Variants in UFL1 observed in about 807,000 individuals in gnomAD.
The protein encoded by UFL1 is UFM1 specific ligase 1.
Under a neutral mutation model 99.3 loss-of-function variants are expected in UFL1, and 78 were observed. The ratio of observed to expected loss-of-function variants is 0.79; its 90% CI spans 0.65 to 0.95. The LOEUF is 0.95. Among genes scored for constraint, UFL1 ranks in the 40% least tolerant of loss-of-function variants. The pLI is 0.00. For missense variants in UFL1, 936 were observed against 937.0 expected (o/e 1.00, Z 0.01); for synonymous variants, 335 against 322.2 (o/e 1.04, Z -0.42).
intron 11 of UFL1, among the ~76,000 whole-genome samples, chr6:96,542,257 A>G (rs1357457951): frequency 6.6e-6 from 1 of 151,214 alleles, no homozygotes; most frequent in African/African-American, 2.4e-5. Context: ...AATAGGTAAT[A>G]ATACTTTTAT....
intron 6 of UFL1, among the ~76,000 whole-genome samples, chr6:96,533,968 G>GA (rs1373480493): frequency 6.6e-6 from 1 of 151,612 alleles, no homozygotes; most frequent in Non-Finnish European, 1.5e-5. Context: ...CTCCCAGACA[G>GA]AAAAAACATT....
At position 96,521,872 on chromosome 6, in the gene UFL1, T is replaced by A; in HGVS notation, c.-2T>A. 7 of 1,611,654 alleles carry A rather than the reference T, an allele frequency of 4.3e-6. No individual in the cohort carries two copies. In the South Asian group the frequency reaches 7.7e-5, roughly 18 times the overall value. Reference sequence around the variant, plus strand: ...TCCGCGTCTACTGCGAGTCAGGCCGTGATGGCGGACGCCTGGGAAGAGATT... The same window carrying A: ...TCCGCGTCTACTGCGAGTCAGGCCGAGATGGCGGACGCCTGGGAAGAGATT... On this transcript the variant is annotated 5_prime_UTR_variant, in exon 1 of 19. Transcript: ENST00000369278.
rs1275969920 is a variant in UFL1, at chr6:96,540,565, A to G, written c.1189A>G (p.Thr397Ala). Residue 397 changes from threonine (T) to alanine (A), a missense_variant, in exon 11 of 19, where the codon ACT becomes GCT. Transcript: ENST00000369278. ...GAAAAATAATCCTGTGCATTTAATCACTGAAGAAGATCTGAAACAAATCTC... is the reference window on the plus strand; with the variant it reads ...GAAAAATAATCCTGTGCATTTAATCGCTGAAGAAGATCTGAAACAAATCTC... ...EMKNNPVHLI[T>A]EEDLKQISTL... is the part of the protein sequence containing the mutation. 6.2e-7 allele frequency: 1 copy of G among 1,606,256 alleles called. No homozygotes were observed. The highest frequency in any genetic ancestry group is 1.1e-5 in the South Asian group (1 of 89,814).
chr6:96,535,012 T>C (rs1441031152), intron 7 of UFL1, among the ~76,000 whole-genome samples: 2 of 151,954 alleles, frequency 1.3e-5, no homozygotes, highest in African/African-American at 4.8e-5. Context: ...TAACCTGACT[T>C]TGTTGGAATC....
chr6:96,526,713 TAGC>T (rs1769709446), intron 5 of UFL1, among the ~76,000 whole-genome samples: 1 of 152,196 alleles, frequency 6.6e-6, no homozygotes, highest in Non-Finnish European at 1.5e-5. Flanking sequence ...TTGATGCAAT[TAGC>T]AAATGTACAA....
In UFL1 at chr6:96,525,353, A is replaced by G; in HGVS notation, c.309A>G (p.Ser103=). ...IENRIGDIIK[S]EKHVQLVLGQ... ...ATAGAATTGGTGACATTATTAAATC[A>G]GAAAAGCATGTTCAGTTAGTGTTGG... Residue 103 remains serine, a synonymous_variant, in exon 4 of 19, where the codon TCA becomes TCG. Transcript: ENST00000369278. 3 of 1,611,036 alleles carry G rather than the reference A, an allele frequency of 1.9e-6. No homozygotes were observed. The highest frequency in any genetic ancestry group is 2.5e-6 in the Non-Finnish European group (3 of 1,178,884).
chr6:96,547,994 T>C (rs1770023914), intron 12 of UFL1, among the ~76,000 whole-genome samples, 170 bp from the exon 13 acceptor site: 2 of 151,706 alleles, frequency 1.3e-5, no homozygotes, highest in African/African-American at 2.4e-5. Flanking sequence ...GAGGTTTTAT[T>C]ATATATCCTA....
intron 12 of UFL1, among the ~76,000 whole-genome samples, chr6:96,544,505 G>A (rs1053652987): frequency 5.3e-5 from 8 of 150,906 alleles, no homozygotes; most frequent in Middle Eastern, 3.2e-3. Context: ...TAGATATCAA[G>A]TGATGTGCCT....
At position 96,526,416 on chromosome 6, in the gene UFL1, C is replaced by T; in HGVS notation, c.446C>T (p.Pro149Leu). 2 of 1,610,822 alleles carry T rather than the reference C, an allele frequency of 1.2e-6. No homozygotes were observed. Among genetic ancestry groups the T allele is most frequent in the South Asian group, 1.1e-5 (1 of 90,004 alleles). Residue 149 changes from proline to leucine, a missense_variant, in exon 5 of 19, where the codon CCT becomes CTT. Physicochemically the swap from Pro to Leu is moderately conservative, Grantham distance 98. Coordinates refer to ENST00000369278, the MANE Select transcript of UFL1 (RefSeq NM_015323.5). ...ISELCKTYDL[P>L]GNFLTQALTQ... ...GAACTGTGTAAAACTTATGATCTTCCTGGGAACTTTCTGACACAGGTATTT... is the reference window on the plus strand; with the variant it reads ...GAACTGTGTAAAACTTATGATCTTCTTGGGAACTTTCTGACACAGGTATTT...
In UFL1 at chr6:96,549,755, G is replaced by T. The variant is rs1391730742; in HGVS notation, c.1774G>T (p.Asp592Tyr). 1.9e-6 allele frequency: 3 copies of T among 1,612,046 alleles called. No homozygotes were observed. The highest frequency in any genetic ancestry group is 2.5e-6 in the Non-Finnish European group (3 of 1,178,672). The change falls in exon 15 of 19, where the codon GAT becomes TAT. Residue 592 changes from aspartate to tyrosine, a missense_variant. Physicochemically the swap from Asp to Tyr is radical, Grantham distance 160. Coordinates refer to ENST00000369278, the MANE Select transcript of UFL1 (RefSeq NM_015323.5). ...TNLIFNFLASDLMMAVDDPAA... is the reference protein window; with the variant it reads ...TNLIFNFLASYLMMAVDDPAA... ...CCTCATTTTCAACTTCTTAGCTTCG[G>T]ATTTAATGATGGCAGTAGACGATCC...
At chr6:96,553,062 T>C (rs1276193664) in intron 18 of UFL1, among the ~76,000 whole-genome samples, 1 of 152,078 alleles carries the variant, frequency 6.6e-6, no homozygotes, top group East Asian at 1.9e-4. Flanking sequence ...AAGTTGACTT[T>C]ACCATAAGTC....
At chr6:96,526,976 C>T (rs1769712797) in intron 5 of UFL1, among the ~76,000 whole-genome samples, 3 of 152,140 alleles carry the variant, frequency 2.0e-5, no homozygotes, top group South Asian at 4.2e-4. Flanking sequence ...TTGACTTCAC[C>T]ATTTATCCTC....
chr6:96,550,307 CCTT>C (rs1481222411), intron 15 of UFL1, among the ~76,000 whole-genome samples: 2 of 151,966 alleles, frequency 1.3e-5, no homozygotes, highest in Non-Finnish European at 2.9e-5. Context: ...CCCTCCTTCT[CCTT>C]CTCTTTCTTC....
rs1314375915 is a variant in UFL1 at position 96,554,739 on chromosome 6, A to C, written c.*1236A>C. On this transcript the variant is annotated 3_prime_UTR_variant, in exon 19 of 19. Coordinates refer to ENST00000369278, the MANE Select transcript of UFL1 (RefSeq NM_015323.5). ...AAAGTATTAATCCTTAGTGAAAGTA[A>C]TTAATTAAATTGCCAACTTGGCATT... 6.6e-6 allele frequency: 1 copy of C among 152,582 alleles called. No homozygotes were observed. The highest frequency in any genetic ancestry group is 1.5e-5 in the Non-Finnish European group (1 of 67,994). The allele number at this position is 152,582 out of a possible 1,614,324, so 9.5% of individuals were successfully genotyped here.
intron 12 of UFL1, among the ~76,000 whole-genome samples, chr6:96,544,319 A>G (rs1339186125): frequency 6.6e-6 from 1 of 150,824 alleles, no homozygotes; most frequent in African/African-American, 2.4e-5. Flanking sequence ...TAAAATTATG[A>G]TATTTTTAAT....
At chr6:96,543,044 G>C in intron 12 of UFL1, 28 bp downstream of exon 12, 1 of 1,568,246 alleles carries the variant, frequency 6.4e-7, no homozygotes, top group South Asian at 1.2e-5. Flanking sequence ...ACTTTTCCTT[G>C]GTGTATGTGT....
In UFL1 at chr6:96,555,063, TTTTAA is replaced by T. The variant is rs1444851171; in HGVS notation, c.*1564_*1568del. ...GAAGCAAGTAAAAAGAAAAGCATTG[TTTTAA>T]TTTGTTTGCATTAATTTTTTTCATT... On this transcript the variant is annotated 3_prime_UTR_variant, in exon 19 of 19. Transcript: ENST00000369278. The T allele has an allele frequency of 3.3e-5, 5 of 152,566 alleles. No homozygotes were observed. The highest frequency in any genetic ancestry group is 9.7e-5 in the African/African-American group (4 of 41,436). 9.5% of individuals were successfully genotyped at this position (152,566 alleles called of 1,614,324 possible).
intron 12 of UFL1, among the ~76,000 whole-genome samples, chr6:96,543,321 C>A (rs1372451183): frequency 1.3e-5 from 2 of 151,218 alleles, no homozygotes; most frequent in Non-Finnish European, 3.0e-5. Flanking sequence ...GACAATCACA[C>A]CACTTATTGT....
intron 1 of UFL1, 115 bp downstream of exon 1, chr6:96,522,065 C>T: frequency 8.7e-7 from 1 of 1,154,840 alleles, no homozygotes; most frequent in Non-Finnish European, 1.2e-6. Flanking sequence ...CTGCTTGTCA[C>T]CATTCTCTCC....
Sources: gnomAD v4.1 joint callset for allele counts (sites outside exome capture counted in the v4.1 genomes callset) on GRCh38, gnomAD v4.1.1 for gene constraint, MANE v1.5 for transcripts, NCBI Gene and HGNC (gene_info 2026-07-23, HGNC 2026-07-21) for gene names.